Variants in EDEM1 observed in about 807,000 individuals in gnomAD.
The protein encoded by EDEM1 is ER degradation-enhancing alpha-mannosidase-like protein 1.
EDEM1 carries 67 observed loss-of-function variants against 74.4 expected under a neutral mutation model. The observed-to-expected ratio is 0.90, with a 90% CI of 0.74 to 1.10. The LOEUF (loss-of-function observed/expected upper bound fraction) is 1.10, where lower values mean the gene tolerates loss of function less well. Among genes scored for constraint, EDEM1 ranks in the 50% least tolerant of loss-of-function variants. EDEM1 has a pLI of 0.00. For synonymous variants in EDEM1, 382 were observed against 335.9 expected, an observed-to-expected ratio of 1.14 and a Z score of -1.50; for missense variants, 926 against 851.6, an observed-to-expected ratio of 1.09 and a Z score of -1.09.
At chr3:5,208,375 C>G in intron 8 of EDEM1, 112 bp downstream of exon 8, 1 of 1,316,274 alleles carries the variant, frequency 7.6e-7, no homozygotes, top group African/African-American at 1.5e-5. Context: ...TTCATAGTGA[C>G]TCTGATTGAG....
chr3:5,208,385 GTTACC>G, intron 8 of EDEM1, 122 bp downstream of exon 8: 1 of 1,179,448 alleles, frequency 8.5e-7, no homozygotes, highest in Non-Finnish European at 1.2e-6. Flanking sequence ...CTCTGATTGA[GTTACC>G]CCCTATCCGT....
At chr3:5,208,830 G>T (rs2055132188) in intron 8 of EDEM1, among the ~76,000 whole-genome samples, 2 of 151,660 alleles carry the variant, frequency 1.3e-5, no homozygotes, top group Admixed American at 6.6e-5. Flanking sequence ...AATTACTTCA[G>T]TGGTAGAGGG....
chr3:5,210,694 CT>C (rs961084958), intron 9 of EDEM1, among the ~76,000 whole-genome samples: 72 of 150,178 alleles, frequency 4.8e-4, no homozygotes, highest in African/African-American at 1.4e-3. Context: ...TTGTGACATG[CT>C]TTTTTTTACC....
intron 5 of EDEM1, 34 bp downstream of exon 5, chr3:5,203,183 A>G (rs2055054395): frequency 6.7e-7 from 1 of 1,501,654 alleles, no homozygotes; most frequent in East Asian, 2.4e-5. Flanking sequence ...GGGACTGCAC[A>G]CTGCTTGGTC....
In EDEM1 at chr3:5,203,109, A is replaced by G. The variant is rs1290052588; in HGVS notation, c.1002A>G (p.Lys334=). 4 of 1,607,362 alleles carry G rather than the reference A, an allele frequency of 2.5e-6. No individual in the cohort carries two copies. Among genetic ancestry groups the G allele is most frequent in the African/African-American group, 1.3e-5 (1 of 74,748 alleles). ...TFEWVARRAV[K]ALWNLRSNDT... ...AGTGGGTGGCCAGACGAGCAGTGAA[A>G]GCCCTTTGGAACCTCCGGAGCAATG... The change falls in exon 5 of 12, where the codon AAA becomes AAG. Residue 334 remains lysine, a synonymous_variant. Transcript: ENST00000256497.
At chr3:5,198,500 G>T (rs1274505484) in intron 2 of EDEM1, among the ~76,000 whole-genome samples, 1 of 152,122 alleles carries the variant, frequency 6.6e-6, no homozygotes, top group Non-Finnish European at 1.5e-5. Context: ...ATTTTTCTTA[G>T]GTGAGCAGAG....
chr3:5,212,601 A>G lies in EDEM1; in HGVS notation c.1681-718A>G, dbSNP rs575157883. 3.0e-4 allele frequency among the ~76,000 whole-genome samples: 45 copies of G among 152,088 alleles called. 1 individual carries two copies. The highest frequency in any genetic ancestry group is 7.9e-4 in the Admixed American group (12 of 15,268). On this transcript the variant is annotated intron_variant, in intron 10 of 11. Transcript: ENST00000256497. ...ACATTGACAAGCTGCACTGAATCTC[A>G]TTTTTCCTCATCTTGAAATAGTTTA... is the stretch of plus-strand genomic sequence containing the variant.
chr3:5,190,250 G>C (rs2054885704), intron 1 of EDEM1, among the ~76,000 whole-genome samples: 1 of 152,136 alleles, frequency 6.6e-6, no homozygotes, highest in African/African-American at 2.4e-5. Flanking sequence ...AGTGCTCTTG[G>C]TATTACAAGA....
Position 5,215,271 on chromosome 3 carries a change from G to C in EDEM1, c.1885-558G>C, listed in dbSNP as rs115351630. 8.7e-3 allele frequency among the ~76,000 whole-genome samples: 1,298 copies of C among 148,442 alleles called. 20 individuals carry two copies. Among genetic ancestry groups the C allele is most frequent in the African/African-American group, 0.031 (1,228 of 39,702 alleles). ...TGGTTAGTTCTCAAGATGTGCATCTGCTTTGAGGAAAAAAAGTGGTGGGGG... is the reference window on the plus strand; with the variant it reads ...TGGTTAGTTCTCAAGATGTGCATCTCCTTTGAGGAAAAAAAGTGGTGGGGG... On this transcript the variant is annotated intron_variant, in intron 11 of 11. Coordinates refer to ENST00000256497, the MANE Select transcript of EDEM1 (RefSeq NM_014674.3).
rs531836598 is a variant in EDEM1 at position 5,196,426 on chromosome 3, T to C, written c.582+1145T>C. ...CAGCTGAGATTGCGCCACTGCACTG[T>C]AGCCTGGGCAACAGAGTGAGACTCC... On this transcript the variant is annotated intron_variant, in intron 2 of 11. Transcript: ENST00000256497. Among the ~76,000 whole-genome samples the C allele has an allele frequency of 1.4e-3, 206 of 151,436 alleles. 1 individual carries two copies. The highest frequency in any genetic ancestry group is 4.9e-3 in the African/African-American group (201 of 41,320).
chr3:5,203,218 G>T, intron 5 of EDEM1, 69 bp downstream of exon 5: 1 of 1,436,628 alleles, frequency 7.0e-7, no homozygotes, highest in Middle Eastern at 2.4e-4. Context: ...TCTTCTCTGG[G>T]CTCTGCCCCC....
In EDEM1 at chr3:5,205,322, A is replaced by T. The variant is rs888351926; in HGVS notation, c.1217+81A>T. The T allele has an allele frequency of 1.2e-5, 17 of 1,401,150 alleles. No homozygotes were observed. In the African/African-American group the frequency reaches 2.3e-4, roughly 19 times the overall value. The allele number at this position is 1,401,150 out of a possible 1,614,324, so 86.8% of individuals were successfully genotyped here. A position where few individuals can be genotyped will look rare whatever the true frequency, so the allele number is the denominator to read the frequency against. On this transcript the variant is annotated intron_variant, in intron 6 of 11. Transcript: ENST00000256497. ...GAAGCGTTTGTATTTTTTTTAACAC[A>T]CAATCACAGGGTCTGTTTATCTCTG...
intron 11 of EDEM1, among the ~76,000 whole-genome samples, chr3:5,215,495 C>G (rs1341928924): frequency 6.6e-6 from 1 of 152,192 alleles, no homozygotes; most frequent in Non-Finnish European, 1.5e-5. Flanking sequence ...TTTAGCTTCC[C>G]TGGATCTGCC....
chr3:5,216,950 A>G lies in EDEM1; in HGVS notation c.*1032A>G, dbSNP rs1306842585. ...TTTCTGTGTCTAGTGCCAATTAGCT[A>G]AATCAGGGAGAAAGAAATGATCACA... On this transcript the variant is annotated 3_prime_UTR_variant, in exon 12 of 12. Transcript: ENST00000256497. The G allele has an allele frequency of 6.6e-6, 1 of 152,664 alleles. No homozygotes were observed. The highest frequency in any genetic ancestry group is 1.5e-5 in the Non-Finnish European group (1 of 68,048). The allele number at this position is 152,664 out of a possible 1,614,324, so 9.5% of individuals were successfully genotyped here. A position where few individuals can be genotyped will look rare whatever the true frequency, so the allele number is the denominator to read the frequency against.
Position 5,189,216 on chromosome 3 carries a change from TC to T in EDEM1, c.509+906del, listed in dbSNP as rs574297107. On this transcript the variant is annotated intron_variant, in intron 1 of 11. Transcript: ENST00000256497. The stretch of plus-strand genomic sequence containing the variant: ...TGTTAGTCCAAATAGTTGACTCCCC[TC>T]CCCTGGATGGGAGTGGAGGAGTTGG... 2.7e-3 allele frequency among the ~76,000 whole-genome samples: 408 copies of T among 152,190 alleles called. 2 individuals are homozygous for T. Among genetic ancestry groups the T allele is most frequent in the African/African-American group, 9.4e-3 (390 of 41,518 alleles).
chr3:5,203,444 A>G (rs1483787618), intron 5 of EDEM1, among the ~76,000 whole-genome samples: 1 of 152,182 alleles, frequency 6.6e-6, no homozygotes, highest in Non-Finnish European at 1.5e-5. Context: ...TCTGAGGCAG[A>G]TTTTATTGCT....
chr3:5,213,656 A>G, intron 11 of EDEM1, 134 bp downstream of exon 11: 1 of 820,940 alleles, frequency 1.2e-6, no homozygotes. Context: ...CCTCCTAAAG[A>G]CACCATTTAC....
At chr3:5,205,354 CCT>C (rs922335875) in intron 6 of EDEM1, 113 bp downstream of exon 6, 70 of 1,052,290 alleles carry the variant, frequency 6.7e-5, no homozygotes, top group Non-Finnish European at 8.8e-5. Flanking sequence ...TCTGCCCTCA[CCT>C]TACCACCTCT....
chr3:5,202,587 G>A (rs114559511), intron 4 of EDEM1, among the ~76,000 whole-genome samples: 2,899 of 152,286 alleles, frequency 0.019, 81 homozygotes, highest in African/African-American at 0.066. Context: ...TTTAGGTGCT[G>A]AGCAGGAGTG....
Sources: gnomAD v4.1 joint callset for allele counts (sites outside exome capture counted in the v4.1 genomes callset) on GRCh38, gnomAD v4.1.1 for gene constraint, MANE v1.5 for transcripts, NCBI Gene and HGNC (gene_info 2026-07-23, HGNC 2026-07-21) for gene names.